The following NXPE2 variants were observed in gnomAD, a reference collection of about 807,000 sequenced individuals.
NXPE2 encodes the protein NXPE family member 2.
A neutral mutation model predicts 34.4 loss-of-function variants in NXPE2; 34 were observed. The ratio of observed to expected loss-of-function variants is 0.99; its 90% CI spans 0.75 to 1.31. The LOEUF (loss-of-function observed/expected upper bound fraction) is 1.31, where lower values mean the gene tolerates loss of function less well. NXPE2 is among the 40% of genes most tolerant of loss of function. The pLI, the probability that NXPE2 is intolerant of heterozygous loss-of-function variation, is 0.00. For missense variants in NXPE2, 649 were observed against 672.5 expected, an observed-to-expected ratio of 0.97 and a Z score of 0.39; for synonymous variants, 235 against 231.3, an observed-to-expected ratio of 1.02 and a Z score of -0.15.
the NXPE2 span, among the ~76,000 whole-genome samples, chr11:114,751,075 T>G: frequency 6.6e-6 from 1 of 152,192 alleles, no homozygotes; most frequent in Non-Finnish European, 1.5e-5. Flanking sequence ...CTATACTATC[T>G]GAAATGACCA....
the NXPE2 span, among the ~76,000 whole-genome samples, chr11:114,625,703 T>C: frequency 6.6e-6 from 1 of 152,152 alleles, no homozygotes; most frequent in Non-Finnish European, 1.5e-5. Context: ...AGCCCCGGTC[T>C]ACAGCTCCCA....
At chr11:114,596,790 T>C in the NXPE2 span, among the ~76,000 whole-genome samples, 21 of 152,192 alleles carry the variant, frequency 1.4e-4, no homozygotes, top group African/African-American at 5.1e-4. Flanking sequence ...CTGAGACATA[T>C]AGATTTATAG....
At chr11:114,647,455 G>T in the NXPE2 span, among the ~76,000 whole-genome samples, 5 of 152,090 alleles carry the variant, frequency 3.3e-5, no homozygotes, top group Admixed American at 1.3e-4. Flanking sequence ...CTTATTTAAA[G>T]GGGGACAAAG....
intron 2 of NXPE2, among the ~76,000 whole-genome samples, chr11:114,691,688 G>A (rs994201294): frequency 3.3e-5 from 5 of 152,298 alleles, no homozygotes; most frequent in South Asian, 2.1e-4. Context: ...TCCTCTCCAC[G>A]TCCATTCCTG....
the NXPE2 span, among the ~76,000 whole-genome samples, chr11:114,802,223 C>CCA: frequency 2.0e-5 from 3 of 152,170 alleles, no homozygotes; most frequent in African/African-American, 7.2e-5. Flanking sequence ...GTCTACAGTG[C>CCA]CATTGGAGTG....
chr11:114,649,963 A>G, the NXPE2 span, among the ~76,000 whole-genome samples: 1 of 152,224 alleles, frequency 6.6e-6, no homozygotes, highest in Non-Finnish European at 1.5e-5. Flanking sequence ...GAATTATATT[A>G]TATGTAAAAT....
the NXPE2 span, among the ~76,000 whole-genome samples, chr11:114,489,743 C>G: frequency 6.6e-6 from 1 of 152,122 alleles, no homozygotes; most frequent in African/African-American, 2.4e-5. Flanking sequence ...AAACCCACAG[C>G]CAGTGTCATA....
At chr11:114,609,827 T>C in the NXPE2 span, among the ~76,000 whole-genome samples, 7 of 150,590 alleles carry the variant, frequency 4.6e-5, no homozygotes, top group Non-Finnish European at 8.9e-5. Context: ...TGGATTACCA[T>C]GGTAACCCGA....
the NXPE2 span, among the ~76,000 whole-genome samples, chr11:114,648,647 T>C: frequency 1.3e-5 from 2 of 152,186 alleles, no homozygotes; most frequent in African/African-American, 4.8e-5. Context: ...TTAGCACCCA[T>C]ATGCATCTCC....
At chr11:114,609,007 A>G in the NXPE2 span, among the ~76,000 whole-genome samples, 1 of 151,926 alleles carries the variant, frequency 6.6e-6, no homozygotes, top group Admixed American at 6.6e-5. Context: ...GTGGATAATA[A>G]GTGTTGCCTT....
chr11:114,570,765 C>T, the NXPE2 span: 4 of 525,308 alleles, frequency 7.6e-6, no homozygotes, highest in African/African-American at 3.9e-5. Context: ...TAAGTGGAAG[C>T]CCAGATTAGA....
chr11:114,762,594 A>G, the NXPE2 span, among the ~76,000 whole-genome samples: 1,421 of 152,292 alleles, frequency 9.3e-3, 21 homozygotes, highest in African/African-American at 0.033. Context: ...TCAGCACTCC[A>G]GATGGGGAAG....
the NXPE2 span, among the ~76,000 whole-genome samples, chr11:114,722,062 C>A: frequency 6.6e-6 from 1 of 152,240 alleles, no homozygotes; most frequent in African/African-American, 2.4e-5. Context: ...GAGTCTCAAC[C>A]TTTTCTTCAT....
At chr11:114,514,946 T>C in the NXPE2 span, among the ~76,000 whole-genome samples, 1 of 152,202 alleles carries the variant, frequency 6.6e-6, no homozygotes. Context: ...AGTAATATCT[T>C]TTAAAATGAG....
At chr11:114,621,991 A>C in the NXPE2 span, among the ~76,000 whole-genome samples, 24 of 150,358 alleles carry the variant, frequency 1.6e-4, no homozygotes, top group Non-Finnish European at 3.0e-4. Flanking sequence ...ACCACTGTTA[A>C]CCGGTGGATA....
chr11:114,516,958 T>C, the NXPE2 span, among the ~76,000 whole-genome samples: 1 of 152,288 alleles, frequency 6.6e-6, no homozygotes, highest in Non-Finnish European at 1.5e-5. Flanking sequence ...CATCATGCAG[T>C]ATTGCAATAG....
the NXPE2 span, among the ~76,000 whole-genome samples, chr11:114,611,316 C>T: frequency 6.6e-6 from 1 of 151,632 alleles, no homozygotes; most frequent in African/African-American, 2.4e-5. Context: ...ATCACTGTTA[C>T]CCAGTGGATA....
the NXPE2 span, among the ~76,000 whole-genome samples, chr11:114,592,738 A>G: frequency 6.6e-6 from 1 of 152,204 alleles, no homozygotes; most frequent in Non-Finnish European, 1.5e-5. Flanking sequence ...TCTGAGCAAA[A>G]AGAACAAAGC....
chr11:114,808,613 C>T, the NXPE2 span, among the ~76,000 whole-genome samples: 76 of 113,400 alleles, frequency 6.7e-4, no homozygotes, highest in Non-Finnish European at 1.0e-3. Context: ...ATAAATTCCT[C>T]GACACATGCA....
Sources: gnomAD v4.1 joint callset for allele counts (sites outside exome capture counted in the v4.1 genomes callset) on GRCh38, gnomAD v4.1.1 for gene constraint, MANE v1.5 for transcripts, NCBI Gene and HGNC (gene_info 2026-07-23, HGNC 2026-07-21) for gene names.